The following PRPF6 variants were observed in gnomAD, a reference collection of about 807,000 sequenced individuals.
The protein encoded by PRPF6 is pre-mRNA-processing factor 6.
PRPF6 carries 42 observed loss-of-function variants against 118.3 expected under a neutral mutation model. That is an observed-to-expected ratio of 0.35 (90% CI 0.28 to 0.46). The LOEUF (loss-of-function observed/expected upper bound fraction) is 0.46, where lower values mean the gene tolerates loss of function less well. PRPF6 is among the 20% of genes least tolerant of loss of function. PRPF6 has a pLI of 1.00. For missense variants in PRPF6, 662 were observed against 1,255.7 expected, an observed-to-expected ratio of 0.53 and a Z score of 7.15; for synonymous variants, 481 against 485.1, an observed-to-expected ratio of 0.99 and a Z score of 0.11.
intron 2 of PRPF6, 64 bp downstream of exon 2, chr20:63,983,279 T>G: frequency 6.3e-7 from 1 of 1,594,864 alleles, no homozygotes; most frequent in Non-Finnish European, 8.6e-7. Context: ...ACCTAACCAG[T>G]GTGTGTTGGT....
chr20:64,002,179 TG>T (rs1283753258), intron 9 of PRPF6, among the ~76,000 whole-genome samples: 29 of 151,012 alleles, frequency 1.9e-4, no homozygotes, highest in Non-Finnish European at 3.5e-4. Flanking sequence ...CCACCACGCC[TG>T]GCTAATTTCT....
intron 12 of PRPF6, among the ~76,000 whole-genome samples, chr20:64,019,510 G>A (rs1314156606): frequency 6.6e-6 from 1 of 152,176 alleles, no homozygotes; most frequent in Non-Finnish European, 1.5e-5. Flanking sequence ...GTGTGCTGTG[G>A]TGCTGCTTCC....
At chr20:64,031,794 T>G in intron 19 of PRPF6, 124 bp from the exon 20 acceptor site, 1 of 1,353,972 alleles carries the variant, frequency 7.4e-7, no homozygotes, top group South Asian at 1.2e-5. Context: ...TCCTCAGGCC[T>G]TCTTGAGGGG....
At chr20:64,008,508 A>G (rs1397495300) in intron 9 of PRPF6, among the ~76,000 whole-genome samples, 4 of 152,018 alleles carry the variant, frequency 2.6e-5, no homozygotes, top group Non-Finnish European at 5.9e-5. Context: ...CAGTGGCCCC[A>G]GTGTCCTTCA....
chr20:64,031,431 C>G (rs1279160310), intron 19 of PRPF6, among the ~76,000 whole-genome samples: 1 of 152,114 alleles, frequency 6.6e-6, no homozygotes, highest in Non-Finnish European at 1.5e-5. Flanking sequence ...AATCCCAGCA[C>G]TGGGAGGCTG....
intron 19 of PRPF6, 109 bp from the exon 20 acceptor site, chr20:64,031,809 C>T: frequency 6.7e-7 from 1 of 1,482,466 alleles, no homozygotes; most frequent in Non-Finnish European, 9.4e-7. Context: ...GAGGGGAGCA[C>T]CAGGGCTGCG....
rs770343066 is a variant in PRPF6 at position 64,027,973 on chromosome 20, C to T, written c.2339+237C>T. Among the ~76,000 whole-genome samples the T allele has an allele frequency of 1.3e-5, 2 of 151,998 alleles. No individual in the cohort carries two copies. Among genetic ancestry groups the T allele is most frequent in the Admixed American group, 6.6e-5 (1 of 15,260 alleles). On this transcript the variant is annotated intron_variant, in intron 17 of 20. Coordinates refer to ENST00000266079, the MANE Select transcript of PRPF6 (RefSeq NM_012469.4). The surrounding 1 kb of genome is among the most constrained non-coding windows in gnomAD (Gnocchi z 6.5). The stretch of plus-strand genomic sequence containing the variant: ...GTTTAATTTGTGTTCTGATGGAGGG[C>T]GCCTGGGAGAGGGAGGGGTTAATGA...
intron 9 of PRPF6, 84 bp from the exon 10 acceptor site, chr20:64,010,116 C>A (rs2059209405): frequency 8.3e-7 from 1 of 1,204,918 alleles, no homozygotes; most frequent in Non-Finnish European, 1.2e-6. Flanking sequence ...TCCGTCTCAT[C>A]CTGACCAGCA....
intron 11 of PRPF6, among the ~76,000 whole-genome samples, chr20:64,015,121 A>G (rs2059231299): frequency 6.6e-6 from 1 of 152,166 alleles, no homozygotes; most frequent in South Asian, 2.1e-4. Flanking sequence ...TATATTCTGG[A>G]TATATTGTCA....
intron 2 of PRPF6, 133 bp from the exon 3 acceptor site, chr20:63,984,774 C>T (rs1017600285): frequency 1.5e-6 from 1 of 686,636 alleles, no homozygotes; most frequent in East Asian, 3.0e-5. Flanking sequence ...ATATGGTAGA[C>T]TGTCCCTTGA....
intron 3 of PRPF6, 127 bp downstream of exon 3, chr20:63,985,152 C>T (rs1460291067): frequency 2.7e-6 from 2 of 732,896 alleles, no homozygotes; most frequent in Non-Finnish European, 4.7e-6. Flanking sequence ...TAGCTAGAGC[C>T]CAGGGGTTTG....
At chr20:63,981,982 G>A (rs897534818) in intron 1 of PRPF6, among the ~76,000 whole-genome samples, 3 of 152,102 alleles carry the variant, frequency 2.0e-5, no homozygotes, top group Middle Eastern at 3.4e-3. Context: ...GACGATAGAA[G>A]AGAAACTGAC....
chr20:63,983,139 C>G lies in PRPF6; in HGVS notation c.164C>G (p.Thr55Ser). Residue 55 changes from threonine (T) to serine (S), a missense_variant, in exon 2 of 21, where the codon ACC becomes AGC. Transcript: ENST00000266079. ...CGCCATGCACCCCCAGGCAAGAGAA[C>G]CGTTGGGGACCAGATGAAGAAAAAT... ...DDRHAPPGKR[T>S]VGDQMKKNQA... 1 of 1,614,146 alleles carries G rather than the reference C, an allele frequency of 6.2e-7. No individual in the cohort carries two copies.
At chr20:63,993,014 G>A (rs1255669817) in intron 3 of PRPF6, among the ~76,000 whole-genome samples, 3 of 151,934 alleles carry the variant, frequency 2.0e-5, no homozygotes, top group African/African-American at 7.2e-5. Context: ...TCAGGAGTTC[G>A]AGAACAGCCT....
chr20:64,018,665 T>C (rs186080589), intron 12 of PRPF6, among the ~76,000 whole-genome samples: 166 of 152,284 alleles, frequency 1.1e-3, no homozygotes, highest in African/African-American at 3.9e-3. Flanking sequence ...AGTATCTCAC[T>C]ATGTTGTCCA....
chr20:63,986,874 G>A (rs1337576119), intron 3 of PRPF6, among the ~76,000 whole-genome samples: 3 of 150,114 alleles, frequency 2.0e-5, no homozygotes, highest in Admixed American at 1.3e-4. Flanking sequence ...GCATATAGAA[G>A]AAACATACCT....
intron 9 of PRPF6, among the ~76,000 whole-genome samples, chr20:64,006,912 G>T (rs2059192602): frequency 6.6e-6 from 1 of 152,356 alleles, no homozygotes; most frequent in East Asian, 1.9e-4. Context: ...CCGTCTTTCA[G>T]TTGGTCAAGT....
intron 1 of PRPF6, 70 bp downstream of exon 1, chr20:63,981,386 G>T: frequency 2.8e-6 from 4 of 1,440,184 alleles, no homozygotes; most frequent in South Asian, 1.2e-5. Flanking sequence ...GGGCGTGTTT[G>T]GGGGCGGGGG....
In PRPF6 at chr20:64,026,234, C is replaced by T. The variant is rs112102301; in HGVS notation, c.2028+176C>T. 0.013 allele frequency among the ~76,000 whole-genome samples: 1,968 copies of T among 152,002 alleles called. 55 individuals carry two copies. Among genetic ancestry groups the T allele is most frequent in the African/African-American group, 0.045 (1,876 of 41,482 alleles). Reference sequence around the variant, plus strand: ...TGTGGCCGGGCGTGGTGGCCGGGCGCGGTGGCTCACGCCTGTAATCTCAGC... The same window carrying T: ...TGTGGCCGGGCGTGGTGGCCGGGCGTGGTGGCTCACGCCTGTAATCTCAGC... On this transcript the variant is annotated intron_variant, in intron 15 of 20. Transcript: ENST00000266079. The surrounding 1 kb of genome is among the most constrained non-coding windows in gnomAD (Gnocchi z 4.4).
Sources: gnomAD v4.1 joint callset for allele counts (sites outside exome capture counted in the v4.1 genomes callset) on GRCh38, gnomAD v4.1.1 for gene constraint, Gnocchi (gnomAD v3.1) non-coding constraint, MANE v1.5 for transcripts, NCBI Gene and HGNC (gene_info 2026-07-23, HGNC 2026-07-21) for gene names.